GAA: variants seen among roughly 807,000 people sequenced by gnomAD.
GAA encodes lysosomal alpha-glucosidase.
Under a neutral mutation model 103.9 loss-of-function variants are expected in GAA, and 88 were observed. The ratio of observed to expected loss-of-function variants is 0.85; its 90% confidence interval spans 0.71 to 1.01. GAA has a LOEUF of 1.01. GAA is among the 50% of genes least tolerant of loss of function. The probability of loss-of-function intolerance (pLI) is 0.00; values close to 1 mark genes in which losing one functional copy is unlikely to be tolerated. For synonymous variants in GAA, 572 were observed against 563.1 expected (o/e 1.02, Z -0.22); for missense variants, 1,350 against 1,305.3 (o/e 1.03, Z -0.53).
rs2039404377 is a variant in GAA at position 80,118,275 on chromosome 17, G to C, written c.2564G>C (p.Gly855Ala). 6.2e-7 allele frequency: 1 copy of C among 1,608,298 alleles called. No homozygotes were observed. The highest frequency in any genetic ancestry group is 1.1e-5 in the South Asian group (1 of 90,368). ...CTGACCAAGGGTGGGGAGGCCCGAG[G>C]GGAGCTGTTCTGGGACGATGGAGAG... is the stretch of plus-strand genomic sequence containing the variant. ...VALTKGGEAR[G>A]ELFWDDGESL... The change falls in exon 18 of 20, where the codon GGG becomes GCG. Residue 855 changes from glycine to alanine, a missense_variant. Gly to Ala is a moderately conservative substitution (Grantham distance 60). Coordinates refer to ENST00000302262, the MANE Select transcript of GAA (RefSeq NM_000152.5).
At position 80,112,966 on chromosome 17, in the gene GAA, G is replaced by A. The variant is rs374143224; in HGVS notation, c.1979G>A (p.Arg660His). 45 of 1,609,718 alleles carry A rather than the reference G, an allele frequency of 2.8e-5. No individual in the cohort carries two copies. The highest frequency in any genetic ancestry group is 1.3e-4 in the African/African-American group (10 of 74,862). Residue 660 changes from arginine (R) to histidine (H), a missense_variant, in exon 14 of 20, where the codon CGC becomes CAC. By Grantham distance (29) the Arg-to-His change is conservative. Transcript: ENST00000302262. The part of the protein sequence containing the change: ...LGNTSEELCV[R>H]WTQLGAFYPF... ...AACACCTCAGAGGAGCTGTGTGTGC[G>A]CTGGACCCAGCTGGGGGCCTTCTAC...
chr17:80,112,645 C>G lies in GAA; in HGVS notation c.1822C>G (p.Arg608Gly), dbSNP rs749529161. ...CCGCTCGACCTTTGCTGGCCACGGC[C>G]GATACGCCGGCCACTGGACGGGGGA... The part of the protein sequence containing the change: ...ISRSTFAGHG[R>G]YAGHWTGDVW... Residue 608 changes from arginine (R) to glycine (G), a missense_variant, in exon 13 of 20, where the codon CGA becomes GGA. Physicochemically the swap from Arg to Gly is moderately radical, Grantham distance 125. Transcript: ENST00000302262. 1 of 1,612,770 alleles carries G rather than the reference C, an allele frequency of 6.2e-7. No individual in the cohort carries two copies. Among genetic ancestry groups the G allele is most frequent in the Non-Finnish European group, 8.5e-7 (1 of 1,179,918 alleles).
At chr17:80,103,953 C>T (rs775730789) in intron 1 of GAA, among the ~76,000 whole-genome samples, 1 of 152,180 alleles carries the variant, frequency 6.6e-6, no homozygotes, top group Non-Finnish European at 1.5e-5. Flanking sequence ...CCCAGTGGAC[C>T]AAGCCGCACC....
At position 80,104,615 on chromosome 17, in the gene GAA, A is replaced by T; in HGVS notation, c.29A>T (p.His10Leu). The T allele has an allele frequency of 1.9e-6, 3 of 1,612,602 alleles. No individual in the cohort carries two copies. Among genetic ancestry groups the T allele is most frequent in the Non-Finnish European group, 2.5e-6 (3 of 1,179,856 alleles). Reference sequence around the variant, plus strand: ...GGAGTGAGGCACCCGCCCTGCTCCCACCGGCTCCTGGCCGTCTGCGCCCTC... The same window carrying T: ...GGAGTGAGGCACCCGCCCTGCTCCCTCCGGCTCCTGGCCGTCTGCGCCCTC... MGVRHPPCS[H>L]RLLAVCALVS... The change falls in exon 2 of 20, where the codon CAC (histidine) becomes CTC (leucine). Residue 10 changes from histidine to leucine, a missense_variant. Physicochemically the swap from His to Leu is moderately conservative, Grantham distance 99. Coordinates refer to ENST00000302262, the MANE Select transcript of GAA (RefSeq NM_000152.5). This position sits in a 1 kb window ranked among gnomAD's most constrained non-coding sequence, Gnocchi z 4.0.
chr17:80,110,810 T>C lies in GAA; in HGVS notation c.1521T>C (p.His507=), dbSNP rs1024802751. ...AWWEDMVAEF[H]DQVPFDGMWI... ...GGGAGGACATGGTGGCTGAGTTCCA[T>C]GACCAGGTGCCCTTCGACGGCATGT... Residue 507 remains histidine, a synonymous_variant, in exon 10 of 20, where the codon CAT becomes CAC. Coordinates refer to ENST00000302262, the MANE Select transcript of GAA (RefSeq NM_000152.5). 1.2e-6 allele frequency: 2 copies of C among 1,614,128 alleles called. No individual in the cohort carries two copies. Among genetic ancestry groups the C allele is most frequent in the Non-Finnish European group, 1.7e-6 (2 of 1,180,016 alleles).
intron 18 of GAA, 121 bp from the exon 19 acceptor site, chr17:80,118,532 A>T: frequency 1.4e-6 from 2 of 1,399,716 alleles, no homozygotes; most frequent in South Asian, 1.2e-5. Flanking sequence ...TTTCGTGTAC[A>T]CAGAGGGAGG....
intron 8 of GAA, among the ~76,000 whole-genome samples, chr17:80,109,640 AT>A (rs926770593): frequency 1.3e-5 from 2 of 151,940 alleles, no homozygotes; most frequent in African/African-American, 4.8e-5. Flanking sequence ...TCTTTCTCAC[AT>A]TTTTTTAATT....
At position 80,112,565 on chromosome 17, in the gene GAA, C is replaced by G; in HGVS notation, c.1755-13C>G. The G allele has an allele frequency of 6.2e-7, 1 of 1,612,884 alleles. No individual in the cohort carries two copies. On this transcript the variant is annotated splice_polypyrimidine_tract_variant and intron_variant, in intron 12 of 19. Coordinates refer to ENST00000302262, the MANE Select transcript of GAA (RefSeq NM_000152.5). ...GCTCCACACAGCCCTCACGGTGTCC[C>G]CCACCACCCCAGGGCGCTGGTGAAG...
Position 80,108,321 on chromosome 17 carries a change from C to G in GAA, c.987C>G (p.Ser329Arg). 6.2e-7 allele frequency: 1 copy of G among 1,613,700 alleles called. No homozygotes were observed. The highest frequency in any genetic ancestry group is 2.2e-5 in the East Asian group (1 of 44,874). The stretch of plus-strand genomic sequence containing the variant: ...TCCTGCAGCCGAGCCCTGCCCTTAG[C>G]TGGAGGTCGACAGGTGGGATCCTGG... ...DVVLQPSPAL[S>R]WRSTGGILDV... The change falls in exon 6 of 20, where the codon AGC becomes AGG. Residue 329 changes from serine to arginine, a missense_variant. By Grantham distance (110) the Ser-to-Arg change is moderately radical. Transcript: ENST00000302262.
rs369955471 is a variant in GAA at position 80,108,681 on chromosome 17, C to T, written c.1195-16C>T. On this transcript the variant is annotated splice_polypyrimidine_tract_variant and intron_variant, in intron 7 of 19. Transcript: ENST00000302262. ...CTCCTCAGGCCCCAGCAGACGGTCCCGTGTTGTGGCTGCAGGACGTCCAGT... is the reference window on the plus strand; with the variant it reads ...CTCCTCAGGCCCCAGCAGACGGTCCTGTGTTGTGGCTGCAGGACGTCCAGT... 5.6e-6 allele frequency: 9 copies of T among 1,612,836 alleles called. No homozygotes were observed. The highest frequency in any genetic ancestry group is 3.3e-5 in the South Asian group (3 of 91,072).
intron 15 of GAA, among the ~76,000 whole-genome samples, chr17:80,114,569 G>A (rs1598588530): frequency 6.6e-6 from 1 of 152,018 alleles, no homozygotes; most frequent in African/African-American, 2.4e-5. Context: ...CCTCTGTGCT[G>A]TTACACGTCT....
At chr17:80,110,082 G>A (rs574824129) in intron 9 of GAA, 27 bp downstream of exon 9, 2 of 1,590,282 alleles carry the variant, frequency 1.3e-6, no homozygotes, top group Non-Finnish European at 8.6e-7. Flanking sequence ...GGGGACGGGG[G>A]TTAGAAAGCA....
At chr17:80,111,127 C>A in intron 11 of GAA, 102 bp downstream of exon 11, 1 of 1,123,384 alleles carries the variant, frequency 8.9e-7, no homozygotes, top group Non-Finnish European at 1.3e-6. Flanking sequence ...GCAGATGGGC[C>A]AGCGGGGAAA....
chr17:80,106,566 CA>C lies in GAA; in HGVS notation c.692+673del, dbSNP rs1285085608. On this transcript the variant is annotated intron_variant, in intron 3 of 19. Transcript: ENST00000302262. ...AAACCAGCTGTGCAGATGCAGGGGA[CA>C]GGGGTGGCCTCTCTGAGCTGACCTC... is the stretch of plus-strand genomic sequence containing the variant. Among the ~76,000 whole-genome samples, 11 of 152,258 alleles carry C rather than the reference CA, an allele frequency of 7.2e-5. No homozygotes were observed. In the East Asian group the frequency reaches 1.3e-3, roughly 19 times the overall value.
Position 80,107,630 on chromosome 17 carries a change from T to TC in GAA, c.766_767insC (p.Tyr256SerfsTer74), listed in dbSNP as rs1555599637. ...GCTGTCCACCTCGCTGCCCTCGCAG[T>TC]ATATCACAGGCCTCGCCGAGCACCT... On this transcript the variant is annotated frameshift_variant, in exon 4 of 20. Coordinates refer to ENST00000302262, the MANE Select transcript of GAA (RefSeq NM_000152.5). LOFTEE classifies it high-confidence loss of function. 6.2e-7 allele frequency: 1 copy of TC among 1,613,110 alleles called. No homozygotes were observed. Among genetic ancestry groups the TC allele is most frequent in the Non-Finnish European group, 8.5e-7 (1 of 1,179,854 alleles).
In GAA at chr17:80,118,274, G is replaced by C. The variant is rs1341804179; in HGVS notation, c.2563G>C (p.Gly855Arg). Reference sequence around the variant, plus strand: ...CCTGACCAAGGGTGGGGAGGCCCGAGGGGAGCTGTTCTGGGACGATGGAGA... The same window carrying C: ...CCTGACCAAGGGTGGGGAGGCCCGACGGGAGCTGTTCTGGGACGATGGAGA... Reference protein sequence around the residue: ...VALTKGGEARGELFWDDGESL... With the variant: ...VALTKGGEARRELFWDDGESL... Residue 855 changes from glycine to arginine, a missense_variant, in exon 18 of 20, where the codon GGG (glycine) becomes CGG (arginine). Gly to Arg is a moderately radical substitution (Grantham distance 125). Coordinates refer to ENST00000302262, the MANE Select transcript of GAA (RefSeq NM_000152.5). The C allele has an allele frequency of 1.9e-6, 3 of 1,608,398 alleles. No individual in the cohort carries two copies. In the East Asian group the frequency reaches 6.7e-5, roughly 36 times the overall value.
At position 80,107,983 on chromosome 17, in the gene GAA, G is replaced by A. The variant is rs565367822; in HGVS notation, c.955+87G>A. The A allele has an allele frequency of 2.0e-5, 26 of 1,292,402 alleles. No homozygotes were observed. The African/African-American group carries it at 3.2e-4, about 16-fold the overall frequency. The allele number at this position is 1,292,402 out of a possible 1,614,324, so 80.1% of individuals were successfully genotyped here. A position where few individuals can be genotyped will look rare whatever the true frequency, so the allele number is the denominator to read the frequency against. ...CTGGAGGTCCGCATGAGGGGCCCTG[G>A]GCACGGTGCTGGGCCTTGTGTTTTC... On this transcript the variant is annotated intron_variant, in intron 5 of 19. Transcript: ENST00000302262.
intron 11 of GAA, 143 bp downstream of exon 11, chr17:80,111,168 C>A: frequency 1.2e-6 from 1 of 862,152 alleles, no homozygotes; most frequent in South Asian, 1.5e-5. Flanking sequence ...AGGAGAAAGG[C>A]TCAGGCTGGG....
chr17:80,108,818 T>A lies in GAA; in HGVS notation c.1316T>A (p.Met439Lys), dbSNP rs747610090. ...CTGCACCAGGGCGGCCGGCGCTACA[T>A]GATGATCGTGGTGTGTGCCCCCACA... is the stretch of plus-strand genomic sequence containing the variant. Reference protein sequence around the residue: ...QELHQGGRRYMMIVDPAISSS... With the variant: ...QELHQGGRRYKMIVDPAISSS... The change falls in exon 8 of 20, where the codon ATG (methionine) becomes AAG (lysine). Residue 439 changes from methionine to lysine, a missense_variant. By Grantham distance (95) the Met-to-Lys change is moderately conservative. Transcript: ENST00000302262. The A allele has an allele frequency of 5.6e-6, 9 of 1,593,858 alleles. No homozygotes were observed. In the East Asian group the frequency reaches 2.1e-4, roughly 36 times the overall value.
Sources: gnomAD v4.1 joint callset for allele counts (sites outside exome capture counted in the v4.1 genomes callset) on GRCh38, gnomAD v4.1.1 for gene constraint, Gnocchi (gnomAD v3.1) non-coding constraint, MANE v1.5 for transcripts, NCBI Gene and HGNC (gene_info 2026-07-23, HGNC 2026-07-21) for gene names.